Variants in ARHGAP25 observed in about 807,000 individuals in gnomAD.
ARHGAP25 encodes rho GTPase-activating protein 25.
Under a neutral mutation model 71.0 loss-of-function variants are expected in ARHGAP25, and 34 were observed. The observed-to-expected ratio is 0.48, with a 90% confidence interval of 0.36 to 0.64. ARHGAP25 has a LOEUF of 0.64. Among genes scored for constraint, ARHGAP25 ranks in the 30% least tolerant of loss-of-function variants. ARHGAP25 has a pLI of 0.00. For missense variants in ARHGAP25, 706 were observed against 805.1 expected (o/e 0.88, Z 1.49); for synonymous variants, 282 against 296.5 (o/e 0.95, Z 0.50).
intron 1 of ARHGAP25, among the ~76,000 whole-genome samples, chr2:68,755,983 A>G (rs1048496704): frequency 2.0e-5 from 3 of 152,258 alleles, no homozygotes; most frequent in African/African-American, 4.8e-5. Flanking sequence ...CCCTTAAAAT[A>G]TAGCTCATAG....
At chr2:68,800,177 G>A (rs1470308234) in intron 4 of ARHGAP25, among the ~76,000 whole-genome samples, 3 of 152,012 alleles carry the variant, frequency 2.0e-5, no homozygotes, top group East Asian at 1.9e-4. Flanking sequence ...AGTGCTGAGC[G>A]GGCAGGCACA....
At chr2:68,797,981 T>G (rs1679688353) in intron 4 of ARHGAP25, among the ~76,000 whole-genome samples, 1 of 152,230 alleles carries the variant, frequency 6.6e-6, no homozygotes, top group African/African-American at 2.4e-5. Context: ...TCCTCTCACT[T>G]TTTTGTTGAA....
chr2:68,814,716 AGGGTG>A (rs1346534168), intron 6 of ARHGAP25, among the ~76,000 whole-genome samples: 2 of 152,222 alleles, frequency 1.3e-5, no homozygotes, highest in Non-Finnish European at 2.9e-5. Flanking sequence ...TCCCTGACTA[AGGGTG>A]GGGAGAGCAT....
chr2:68,798,618 G>A (rs1047014422), intron 4 of ARHGAP25, among the ~76,000 whole-genome samples: 28 of 152,130 alleles, frequency 1.8e-4, no homozygotes, highest in Admixed American at 5.9e-4. Context: ...AGTTACAACT[G>A]TGAAAAGAGC....
chr2:68,756,611 A>G (rs1032869129), intron 1 of ARHGAP25, among the ~76,000 whole-genome samples: 5 of 152,244 alleles, frequency 3.3e-5, no homozygotes. Context: ...AAGACTCTTA[A>G]GTGTGCAGTT....
rs545818891 is a variant in ARHGAP25 at position 68,794,770 on chromosome 2, C to T, written c.466+6814C>T. On this transcript the variant is annotated intron_variant, in intron 4 of 10. Coordinates refer to ENST00000409202, the MANE Select transcript of ARHGAP25 (RefSeq NM_001007231.3). ...ATGTCCTTGTCTGGTTTTGGTATCA[C>T]GGTGATACTGACCCTGCAGAGTGAG... is the stretch of plus-strand genomic sequence containing the variant. 3.3e-5 allele frequency among the ~76,000 whole-genome samples: 5 copies of T among 152,110 alleles called. No homozygotes were observed. In the East Asian group the frequency reaches 5.8e-4, roughly 18 times the overall value.
At chr2:68,819,373 C>CTTACATGGGATGGCCTGG in intron 9 of ARHGAP25, 54 bp downstream of exon 9, 1 of 1,592,742 alleles carries the variant, frequency 6.3e-7, no homozygotes, top group Non-Finnish European at 8.6e-7. Flanking sequence ...TAGTCCAGGC[C>CTTACATGGGATGGCCTGG]ATCCCATGTA....
intron 1 of ARHGAP25, among the ~76,000 whole-genome samples, chr2:68,753,784 A>G (rs1676320019): frequency 1.3e-5 from 2 of 152,120 alleles, no homozygotes; most frequent in Admixed American, 1.3e-4. Context: ...CAGAACTTGC[A>G]TTATCTGTGG....
At chr2:68,790,152 C>A (rs1217957783) in intron 4 of ARHGAP25, among the ~76,000 whole-genome samples, 4 of 152,160 alleles carry the variant, frequency 2.6e-5, no homozygotes, top group African/African-American at 9.7e-5. Context: ...CCACACCCAG[C>A]TAATTTTTGT....
intron 1 of ARHGAP25, among the ~76,000 whole-genome samples, chr2:68,737,899 G>A (rs1330677271): frequency 1.3e-5 from 2 of 152,126 alleles, no homozygotes; most frequent in Non-Finnish European, 1.5e-5. Context: ...GTCTCTGAGA[G>A]CGAGGGGAGG....
At chr2:68,803,006 T>C (rs962053183) in intron 4 of ARHGAP25, among the ~76,000 whole-genome samples, 4 of 142,802 alleles carry the variant, frequency 2.8e-5, no homozygotes, top group African/African-American at 1.0e-4. Context: ...CATACATACA[T>C]ATATATATAT....
chr2:68,758,419 TATTTC>T (rs1480679448), intron 1 of ARHGAP25, among the ~76,000 whole-genome samples: 1 of 151,950 alleles, frequency 6.6e-6, no homozygotes. Flanking sequence ...TAGAGAAGGA[TATTTC>T]ATGTAAATAG....
intron 4 of ARHGAP25, among the ~76,000 whole-genome samples, chr2:68,795,067 TTAA>T (rs1679445036): frequency 1.3e-5 from 2 of 152,308 alleles, no homozygotes; most frequent in Admixed American, 6.5e-5. Context: ...CATCTAGTTG[TTAA>T]TAATAATCTC....
intron 1 of ARHGAP25, among the ~76,000 whole-genome samples, chr2:68,736,587 T>C (rs1675233634): frequency 6.6e-6 from 1 of 152,168 alleles, no homozygotes; most frequent in Non-Finnish European, 1.5e-5. Context: ...AACAAGAAAG[T>C]TGAGACAATT....
chr2:68,819,783 C>T (rs924934747), intron 9 of ARHGAP25: 5 of 336,106 alleles, frequency 1.5e-5, no homozygotes, highest in Middle Eastern at 8.0e-4. Flanking sequence ...CTCGATAAGC[C>T]GTCTCAGCCA....
intron 4 of ARHGAP25, among the ~76,000 whole-genome samples, chr2:68,800,846 A>T (rs913788816): frequency 2.0e-5 from 3 of 152,126 alleles, no homozygotes; most frequent in Admixed American, 2.0e-4. Flanking sequence ...TACATTGGTT[A>T]ATAGTTATAA....
chr2:68,717,954 A>G, intron 2 of ARHGAP25, among the ~76,000 whole-genome samples: 1 of 152,164 alleles, frequency 6.6e-6, no homozygotes, highest in South Asian at 2.1e-4. Flanking sequence ...CCACTTTATC[A>G]TATAATTAGA....
chr2:68,762,309 G>A (rs972491226), intron 1 of ARHGAP25, among the ~76,000 whole-genome samples: 52 of 152,148 alleles, frequency 3.4e-4, no homozygotes, highest in African/African-American at 1.2e-3. Context: ...AAAATGGATG[G>A]TGATGGTTGT....
chr2:68,721,466 T>A (rs1442787400), intron 2 of ARHGAP25, among the ~76,000 whole-genome samples: 1 of 152,220 alleles, frequency 6.6e-6, no homozygotes, highest in Non-Finnish European at 1.5e-5. Context: ...ATGACAGTCA[T>A]GAGAAGGAAT....
Sources: gnomAD v4.1 joint callset for allele counts (sites outside exome capture counted in the v4.1 genomes callset) on GRCh38, gnomAD v4.1.1 for gene constraint, MANE v1.5 for transcripts, NCBI Gene and HGNC (gene_info 2026-07-23, HGNC 2026-07-21) for gene names.